The following MAPK10 variants were observed in gnomAD, a reference collection of about 807,000 sequenced individuals.
The protein encoded by MAPK10 is JNK3 alpha protein kinase.
MAPK10 carries 25 observed loss-of-function variants against 59.3 expected under a neutral mutation model. The ratio of observed to expected loss-of-function variants is 0.42; its 90% confidence interval spans 0.31 to 0.59. MAPK10 has a LOEUF of 0.59. Ranked by LOEUF, MAPK10 falls within the 20% of genes least tolerant of loss-of-function variation. The pLI, the probability that MAPK10 is intolerant of heterozygous loss-of-function variation, is 0.15. For missense variants in MAPK10, 351 were observed against 568.9 expected (o/e 0.62, Z 3.90); for synonymous variants, 190 against 200.5 (o/e 0.95, Z 0.44).
Position 86,367,786 on chromosome 4 carries a change from G to C in MAPK10, c.-121-13142C>G, listed in dbSNP as rs568593030. On this transcript the variant is annotated intron_variant, in intron 1 of 13. Coordinates refer to the MAPK10 transcript ENST00000361569. ...TATGAGGGATTTTTCTATGCTATAG[G>C]CATTGTTTCTTGACCTTGCTGCAGG... Among the ~76,000 whole-genome samples, 22 of 152,052 alleles carry C rather than the reference G, an allele frequency of 1.4e-4. No individual in the cohort carries two copies. In the South Asian group the frequency reaches 3.9e-3, roughly 27 times the overall value.
intron 11 of MAPK10, among the ~76,000 whole-genome samples, chr4:86,033,555 G>T (rs2039551616): frequency 6.6e-6 from 1 of 152,158 alleles, no homozygotes; most frequent in Admixed American, 6.5e-5. Flanking sequence ...TTTTCAGGAG[G>T]TTTCCCTAGG....
intron 1 of MAPK10, among the ~76,000 whole-genome samples, chr4:86,424,605 T>C (rs183792616): frequency 3.9e-4 from 59 of 152,216 alleles, no homozygotes; most frequent in Middle Eastern, 6.8e-3. Context: ...CTGCTCTCAA[T>C]TTGGGCTTCA....
intron 1 of MAPK10, among the ~76,000 whole-genome samples, chr4:86,468,764 G>C (rs1440004122): frequency 6.6e-6 from 1 of 152,108 alleles, no homozygotes; most frequent in African/African-American, 2.4e-5. Flanking sequence ...TGAGGCAGGA[G>C]AATTGCTTGA....
At position 86,194,318 on chromosome 4, in the gene MAPK10, C is replaced by T; in HGVS notation, c.66+18G>A. Reference sequence around the variant, plus strand: ...AGGGAATATACTGTACCTTGTTTTACCTGTAAGGAACACACACCTGACAAA... The same window carrying T: ...AGGGAATATACTGTACCTTGTTTTATCTGTAAGGAACACACACCTGACAAA... On this transcript the variant is annotated intron_variant, in intron 3 of 13. Coordinates refer to ENST00000641462, the MANE Select transcript of MAPK10 (RefSeq NM_138982.4). 4 of 1,602,544 alleles carry T rather than the reference C, an allele frequency of 2.5e-6. No individual in the cohort carries two copies. The highest frequency in any genetic ancestry group is 1.7e-6 in the Non-Finnish European group (2 of 1,169,628).
Position 86,214,511 on chromosome 4 carries a change from T to TAAA in MAPK10, c.-6-20107_-6-20105dup, listed in dbSNP as rs70948783. On this transcript the variant is annotated intron_variant, in intron 2 of 13. Transcript: ENST00000641462. Reference sequence around the variant, plus strand: ...TACATAGAAAACCCTTAAGATTCCTTAAAAAAAAAAAAAAAAAAAAAAAAC... The same window carrying TAAA: ...TACATAGAAAACCCTTAAGATTCCTTAAAAAAAAAAAAAAAAAAAAAAAAAAAC... 6.6e-3 allele frequency among the ~76,000 whole-genome samples: 497 copies of TAAA among 75,728 alleles called. 5 individuals are homozygous for TAAA. Among genetic ancestry groups the TAAA allele is most frequent in the African/African-American group, 0.025 (473 of 18,982 alleles). The allele number at this position is 75,728 out of a possible 152,430, so 49.7% of individuals were successfully genotyped here.
intron 1 of MAPK10, among the ~76,000 whole-genome samples, chr4:86,483,668 C>A (rs1665917820): frequency 6.6e-6 from 1 of 152,098 alleles, no homozygotes; most frequent in Non-Finnish European, 1.5e-5. Flanking sequence ...CCAATTATTG[C>A]ATTTAGTCCT....
At chr4:86,208,607 T>C (rs945793501) in intron 2 of MAPK10, among the ~76,000 whole-genome samples, 1 of 151,840 alleles carries the variant, frequency 6.6e-6, no homozygotes, top group East Asian at 1.9e-4. Flanking sequence ...ATAAGAGCTA[T>C]CTATGACAAA....
At chr4:86,188,342 A>G (rs1450785768) in intron 3 of MAPK10, among the ~76,000 whole-genome samples, 1 of 152,160 alleles carries the variant, frequency 6.6e-6, no homozygotes, top group African/African-American at 2.4e-5. Context: ...ACAATGGTTG[A>G]ACTAATTTAC....
intron 2 of MAPK10, among the ~76,000 whole-genome samples, chr4:86,203,990 T>C (rs2083241091): frequency 1.3e-5 from 2 of 151,900 alleles, no homozygotes; most frequent in African/African-American, 2.4e-5. Flanking sequence ...CAAATTCAGT[T>C]AATCACCTGT....
chr4:86,346,042 A>G (rs1282297172), intron 2 of MAPK10, among the ~76,000 whole-genome samples: 3 of 152,252 alleles, frequency 2.0e-5, no homozygotes, highest in Non-Finnish European at 4.4e-5. Context: ...AGATGAAAAC[A>G]GAATGTGTTT....
intron 2 of MAPK10, among the ~76,000 whole-genome samples, chr4:86,290,680 G>A (rs770319019): frequency 6.6e-6 from 1 of 152,014 alleles, no homozygotes; most frequent in Non-Finnish European, 1.5e-5. Context: ...TTGACTCCTG[G>A]CTGGCACTCA....
chr4:86,229,545 T>C (rs960605785), intron 2 of MAPK10, among the ~76,000 whole-genome samples: 1 of 152,162 alleles, frequency 6.6e-6, no homozygotes, highest in Non-Finnish European at 1.5e-5. Context: ...ATCCACTTTA[T>C]AGTAGAATAA....
At chr4:86,223,340 T>C (rs573267801) in intron 2 of MAPK10, among the ~76,000 whole-genome samples, 16 of 152,226 alleles carry the variant, frequency 1.1e-4, no homozygotes, top group African/African-American at 3.6e-4. Flanking sequence ...TCCTGGAACA[T>C]CTGGATCACC....
chr4:86,139,085 A>G (rs1246657487), intron 4 of MAPK10, among the ~76,000 whole-genome samples: 1 of 140,742 alleles, frequency 7.1e-6, no homozygotes, highest in African/African-American at 2.5e-5. Flanking sequence ...AAGAATCAAT[A>G]TCGTGAAAAT....
At chr4:86,140,123 G>C (rs1176249401) in intron 4 of MAPK10, among the ~76,000 whole-genome samples, 2 of 130,970 alleles carry the variant, frequency 1.5e-5, no homozygotes, top group South Asian at 2.4e-4. Flanking sequence ...AAGTCAGTGT[G>C]GCGACTCCTC....
chr4:86,305,151 C>A (rs996621997), intron 2 of MAPK10, among the ~76,000 whole-genome samples: 1 of 152,132 alleles, frequency 6.6e-6, no homozygotes, highest in Non-Finnish European at 1.5e-5. Context: ...TTTTACTGAG[C>A]CTTTTTCCAA....
intron 2 of MAPK10, chr4:86,326,949 T>A (rs1378560950): frequency 1.3e-5 from 2 of 152,210 alleles, no homozygotes; most frequent in Non-Finnish European, 2.9e-5. Flanking sequence ...GGAATGCATG[T>A]AATATACAAG....
intron 8 of MAPK10, 94 bp downstream of exon 8, chr4:86,100,958 G>T: frequency 1.9e-6 from 2 of 1,073,796 alleles, no homozygotes; most frequent in South Asian, 1.7e-5. Flanking sequence ...CTTTATAAAA[G>T]CATGTACATA....
At chr4:86,434,693 T>C (rs1748477663) in intron 1 of MAPK10, among the ~76,000 whole-genome samples, 1 of 152,122 alleles carries the variant, frequency 6.6e-6, no homozygotes, top group Non-Finnish European at 1.5e-5. Context: ...ACGCTGTTGA[T>C]GAGAATGTAA....
Sources: gnomAD v4.1 joint callset for allele counts (sites outside exome capture counted in the v4.1 genomes callset) on GRCh38, gnomAD v4.1.1 for gene constraint, MANE v1.5 for transcripts, NCBI Gene and HGNC (gene_info 2026-07-23, HGNC 2026-07-21) for gene names.